The following SLC25A36 variants were observed in gnomAD, a reference collection of about 807,000 sequenced individuals.
SLC25A36 encodes the protein solute carrier family 25 member 36.
In SLC25A36, 24 loss-of-function variants were observed where a neutral mutation model predicts 35.3. The ratio of observed to expected loss-of-function variants is 0.68; its 90% CI spans 0.49 to 0.96. The LOEUF is 0.96. Among genes scored for constraint, SLC25A36 ranks in the 40% least tolerant of loss-of-function variants. SLC25A36 has a pLI of 0.00. For synonymous variants in SLC25A36, 141 were observed against 132.2 expected (o/e 1.07, Z -0.46); for missense variants, 294 against 381.1 (o/e 0.77, Z 1.90).
At chr3:140,973,349 GA>G (rs1320718162) in intron 5 of SLC25A36, 14 of 155,920 alleles carry the variant, frequency 9.0e-5, no homozygotes, top group African/African-American at 3.4e-4. Context: ...CTTAGAACTG[GA>G]ATTAATACAG....
intron 5 of SLC25A36, among the ~76,000 whole-genome samples, chr3:140,971,858 A>G (rs1363383416): frequency 6.6e-6 from 1 of 152,180 alleles, no homozygotes; most frequent in South Asian, 2.1e-4. Context: ...TACTGTTTTT[A>G]TATTTTGGTG....
chr3:140,975,378 C>A (rs138994350), intron 6 of SLC25A36, among the ~76,000 whole-genome samples: 1 of 152,000 alleles, frequency 6.6e-6, no homozygotes, highest in Non-Finnish European at 1.5e-5. Context: ...GAATGCTAGT[C>A]AGGCTCAGGC....
At chr3:140,953,219 C>T (rs1430970407) in intron 1 of SLC25A36, among the ~76,000 whole-genome samples, 7 of 152,140 alleles carry the variant, frequency 4.6e-5, no homozygotes, top group Non-Finnish European at 7.3e-5. Flanking sequence ...CTTGTGGCCT[C>T]ATATATAATG....
At chr3:140,942,588 G>C (rs1408405913) in intron 1 of SLC25A36, 1 of 152,920 alleles carries the variant, frequency 6.5e-6, no homozygotes, top group Non-Finnish European at 1.5e-5. Flanking sequence ...GGACGGGGCG[G>C]AAAGTGCGGA....
intron 6 of SLC25A36, 65 bp downstream of exon 6, chr3:140,974,070 A>T: frequency 8.9e-7 from 1 of 1,127,462 alleles, no homozygotes; most frequent in Non-Finnish European, 1.3e-6. Flanking sequence ...CACTTATTAA[A>T]GCATTTATAA....
At chr3:140,974,400 TCTC>T (rs1313257636) in intron 6 of SLC25A36, among the ~76,000 whole-genome samples, 1 of 152,072 alleles carries the variant, frequency 6.6e-6, no homozygotes, top group African/African-American at 2.4e-5. Flanking sequence ...CCAGAATTGT[TCTC>T]CTTTTCAAAT....
chr3:140,976,280 C>A lies in SLC25A36; in HGVS notation c.763C>A (p.Arg255Ser). 1 of 1,607,342 alleles carries A rather than the reference C, an allele frequency of 6.2e-7. No individual in the cohort carries two copies. Among genetic ancestry groups the A allele is most frequent in the Non-Finnish European group, 8.5e-7 (1 of 1,176,592 alleles). The part of the protein sequence containing the change: ...YPHEVVRTRL[R>S]EEGTKYRSFF... Reference sequence around the variant, plus strand: ...CACAGAAGTTGTAAGAACAAGACTACGTGAAGAGGGAACAAAATACAGATC... The same window carrying A: ...CACAGAAGTTGTAAGAACAAGACTAAGTGAAGAGGGAACAAAATACAGATC... The change falls in exon 7 of 7, where the codon CGT (arginine) becomes AGT (serine). Residue 255 changes from arginine to serine, a missense_variant. This residue lies in a region of SLC25A36 where 109 missense variants were observed against 179.7 expected (regional missense o/e 0.61). Coordinates refer to ENST00000324194, the MANE Select transcript of SLC25A36 (RefSeq NM_001104647.3).
At chr3:140,968,397 A>G (rs1044566373) in intron 4 of SLC25A36, 1 of 934,262 alleles carries the variant, frequency 1.1e-6, no homozygotes, top group African/African-American at 1.8e-5. Flanking sequence ...CAGAGCAACC[A>G]TAGTAAACAT....
chr3:140,971,838 A>T (rs1934911935), intron 5 of SLC25A36, among the ~76,000 whole-genome samples: 1 of 152,194 alleles, frequency 6.6e-6, no homozygotes, highest in South Asian at 2.1e-4. Flanking sequence ...TTCTGTGTAT[A>T]ACATGTTTCT....
At chr3:140,957,983 G>A (rs1934520163) in intron 2 of SLC25A36, among the ~76,000 whole-genome samples, 6 of 152,010 alleles carry the variant, frequency 3.9e-5, no homozygotes, top group Admixed American at 2.6e-4. Flanking sequence ...GCTCTTTTAA[G>A]CTCTTTATAT....
Position 140,956,617 on chromosome 3 carries a change from T to C in SLC25A36, c.132T>C (p.Ser44=). The part of the protein sequence containing the change: ...LQSSSVTLYI[S]EVQLNTMAGA... Reference sequence around the variant, plus strand: ...CATCTTCTGTGACGCTTTATATTTCTGAAGTTCAGCTGAACACCATGGCTG... The same window carrying C: ...CATCTTCTGTGACGCTTTATATTTCCGAAGTTCAGCTGAACACCATGGCTG... Residue 44 remains serine, a synonymous_variant, in exon 2 of 7, where the codon TCT becomes TCC. Transcript: ENST00000324194. The C allele has an allele frequency of 6.2e-7, 1 of 1,614,026 alleles. No individual in the cohort carries two copies. The highest frequency in any genetic ancestry group is 2.2e-5 in the East Asian group (1 of 44,874).
chr3:140,965,725 G>A (rs137901675), intron 4 of SLC25A36: 1 of 151,660 alleles, frequency 6.6e-6, no homozygotes, highest in African/African-American at 2.4e-5. Context: ...CAGTTGTGAG[G>A]ATATTTAATC....
At chr3:140,971,803 T>C (rs1436435409) in intron 5 of SLC25A36, among the ~76,000 whole-genome samples, 2 of 152,226 alleles carry the variant, frequency 1.3e-5, no homozygotes, top group Non-Finnish European at 2.9e-5. Flanking sequence ...TTTTAAACTA[T>C]TTTAGACTTT....
rs1003188497 is a variant in SLC25A36 at position 140,978,759 on chromosome 3, TG to T, written c.*2307del. 6.6e-6 allele frequency: 1 copy of T among 152,182 alleles called. No homozygotes were observed. The highest frequency in any genetic ancestry group is 2.4e-5 in the African/African-American group (1 of 41,450). The allele number at this position is 152,182 out of a possible 1,614,324, so 9.4% of individuals were successfully genotyped here. On this transcript the variant is annotated 3_prime_UTR_variant, in exon 7 of 7. Transcript: ENST00000324194. ...AAGGAGCAATGAAGTTTATTTCAGT[TG>T]TATTTTTCCCTAAGCACAATCTGCA...
chr3:140,948,214 C>G (rs1231934021), intron 1 of SLC25A36, among the ~76,000 whole-genome samples: 1 of 152,248 alleles, frequency 6.6e-6, no homozygotes, highest in African/African-American at 2.4e-5. Flanking sequence ...CTTGGCCTCC[C>G]AAAGTGCTGG....
intron 3 of SLC25A36, among the ~76,000 whole-genome samples, chr3:140,961,855 C>CAAAAAAA (rs553759457): frequency 5.6e-5 from 2 of 35,840 alleles, no homozygotes; most frequent in African/African-American, 1.6e-4. Context: ...GGCTCCGTCT[C>CAAAAAAA]AAAAAAAAAA....
Position 140,973,698 on chromosome 3 carries a change from T to G in SLC25A36, c.453-18T>G. The G allele has an allele frequency of 7.0e-7, 1 of 1,432,112 alleles. No homozygotes were observed. Among genetic ancestry groups the G allele is most frequent in the East Asian group, 2.4e-5 (1 of 41,834 alleles). The allele number at this position is 1,432,112 out of a possible 1,614,324, so 88.7% of individuals were successfully genotyped here. ...CTTTAAAAAACCTATCAGTAAGATG[T>G]TTCTTTTTGCTTTTCAGGAACCGCG... On this transcript the variant is annotated intron_variant, in intron 5 of 6. Coordinates refer to ENST00000324194, the MANE Select transcript of SLC25A36 (RefSeq NM_001104647.3).
intron 4 of SLC25A36, chr3:140,963,983 A>G (rs1461145594): frequency 6.6e-6 from 1 of 151,868 alleles, no homozygotes; most frequent in Non-Finnish European, 1.5e-5. Flanking sequence ...ACGAACTTTG[A>G]TTTTCCATTG....
chr3:140,961,368 A>G (rs1934621420), intron 3 of SLC25A36, among the ~76,000 whole-genome samples: 1 of 152,276 alleles, frequency 6.6e-6, no homozygotes, highest in African/African-American at 2.4e-5. Context: ...TTTTTTTAAA[A>G]TTGTATAGCA....
Sources: allele counts gnomAD v4.1 joint callset (sites outside exome capture counted in the v4.1 genomes callset), GRCh38; gene constraint gnomAD v4.1.1; regional missense constraint gnomAD v4.1.1; transcripts MANE v1.5; gene names NCBI Gene and HGNC (gene_info 2026-07-23, HGNC 2026-07-21).